Variants in CDH12 observed in about 807,000 individuals in gnomAD.
CDH12 encodes cadherin-12.
A neutral mutation model predicts 74.1 loss-of-function variants in CDH12; 41 were observed. That is an observed-to-expected ratio of 0.55 (90% CI 0.43 to 0.72). The LOEUF is 0.72. Among genes scored for constraint, CDH12 ranks in the 30% least tolerant of loss-of-function variants. The probability of loss-of-function intolerance (pLI) is 0.00; values close to 1 mark genes in which losing one functional copy is unlikely to be tolerated. For synonymous variants in CDH12, 399 were observed against 355.0 expected, an observed-to-expected ratio of 1.12 and a Z score of -1.39; for missense variants, 945 against 977.2, an observed-to-expected ratio of 0.97 and a Z score of 0.44.
chr5:22,810,657 G>A (rs1034168118), intron 1 of CDH12, among the ~76,000 whole-genome samples: 1 of 152,038 alleles, frequency 6.6e-6, no homozygotes, highest in Non-Finnish European at 1.5e-5. Flanking sequence ...GGGAAGAATC[G>A]CTTGATGTCA....
chr5:22,701,680 C>T (rs564281812), intron 1 of CDH12, among the ~76,000 whole-genome samples: 74 of 152,198 alleles, frequency 4.9e-4, no homozygotes, highest in Non-Finnish European at 9.4e-4. Flanking sequence ...CTTCTACTCC[C>T]ATATTTTACC....
intron 6 of CDH12, among the ~76,000 whole-genome samples, chr5:21,872,507 A>G (rs899122822): frequency 6.6e-6 from 1 of 152,222 alleles, no homozygotes; most frequent in Admixed American, 6.5e-5. Flanking sequence ...AATTATTTTC[A>G]TACTTGCTGT....
At position 22,605,287 on chromosome 5, in the gene CDH12, T is replaced by A. The variant is rs139870272; in HGVS notation, c.-522-99923A>T. ...CTTCTTAATTGCATGAGCCAATGTTTCATAATAAATCTCTTTCTCTATATA... is the reference window on the plus strand; with the variant it reads ...CTTCTTAATTGCATGAGCCAATGTTACATAATAAATCTCTTTCTCTATATA... On this transcript the variant is annotated intron_variant, in intron 1 of 14. Coordinates refer to ENST00000382254, the MANE Select transcript of CDH12 (RefSeq NM_004061.5). Among the ~76,000 whole-genome samples the A allele has an allele frequency of 1.8e-4, 28 of 152,294 alleles. No individual in the cohort carries two copies. The East Asian group carries it at 5.4e-3, about 29-fold the overall frequency.
chr5:22,174,765 G>A (rs113766724), intron 4 of CDH12, among the ~76,000 whole-genome samples: 20,176 of 151,750 alleles, frequency 0.13, 1,435 homozygotes, highest in South Asian at 0.17. Flanking sequence ...ACCACACTCT[G>A]GTCACCAATG....
chr5:22,171,369 T>A (rs1749019327), intron 4 of CDH12, among the ~76,000 whole-genome samples: 2 of 151,908 alleles, frequency 1.3e-5, no homozygotes, highest in Non-Finnish European at 2.9e-5. Flanking sequence ...TTATAAGATG[T>A]TGCTTAGATG....
chr5:22,593,776 C>G (rs1011626360), intron 1 of CDH12, among the ~76,000 whole-genome samples: 1 of 152,144 alleles, frequency 6.6e-6, no homozygotes, highest in South Asian at 2.1e-4. Context: ...ATAATATATG[C>G]AGGTATTTGT....
chr5:22,326,327 C>A (rs933817888), intron 3 of CDH12, among the ~76,000 whole-genome samples: 3 of 152,000 alleles, frequency 2.0e-5, no homozygotes, highest in African/African-American at 7.2e-5. Context: ...CTCCGCCCCC[C>A]GGGGTTCACG....
At chr5:22,257,704 T>C (rs566754534) in intron 3 of CDH12, among the ~76,000 whole-genome samples, 4 of 152,188 alleles carry the variant, frequency 2.6e-5, no homozygotes, top group Non-Finnish European at 5.9e-5. Context: ...TTTCACTATG[T>C]TAGCCAGCAT....
At chr5:21,893,206 A>G (rs1484150717) in intron 6 of CDH12, among the ~76,000 whole-genome samples, 1 of 152,190 alleles carries the variant, frequency 6.6e-6, no homozygotes, top group Non-Finnish European at 1.5e-5. Flanking sequence ...TAAAATTTCA[A>G]GCATGGGTGG....
chr5:22,624,662 A>T (rs1308076152), intron 1 of CDH12, among the ~76,000 whole-genome samples: 1 of 152,218 alleles, frequency 6.6e-6, no homozygotes, highest in East Asian at 1.9e-4. Flanking sequence ...AGGAAACAAT[A>T]GGTGCTGGAG....
rs763059652 is a variant in CDH12 at position 21,764,980 on chromosome 5, G to C, written c.1513C>G (p.Gln505Glu). 1.2e-6 allele frequency: 2 copies of C among 1,613,602 alleles called. No individual in the cohort carries two copies. The highest frequency in any genetic ancestry group is 1.7e-6 in the Non-Finnish European group (2 of 1,179,714). ...AAGGAACAATATTTATAAGATACCT[G>C]TCCTGGCTTGGCATTTTCACACACG... ...TAVCENAKPGQIIQIVSAADR... is the reference protein window; with the variant it reads ...TAVCENAKPGEIIQIVSAADR... The change falls in exon 12 of 15, where the codon CAG becomes GAG. Residue 505 changes from glutamine to glutamate, a missense_variant and splice_region_variant. Around this residue, in one of 3 missense-constraint regions of CDH12, gnomAD observed 791 missense variants for 792.8 expected, o/e 1.00. Coordinates refer to ENST00000382254, the MANE Select transcript of CDH12 (RefSeq NM_004061.5).
intron 3 of CDH12, among the ~76,000 whole-genome samples, chr5:22,240,683 GC>G (rs1348157827): frequency 2.0e-5 from 3 of 151,996 alleles, no homozygotes; most frequent in African/African-American, 7.2e-5. Context: ...ACAGGCGCCT[GC>G]CACCATGCCG....
chr5:21,823,808 C>T (rs1419509981), intron 8 of CDH12, among the ~76,000 whole-genome samples: 1 of 152,070 alleles, frequency 6.6e-6, no homozygotes, highest in East Asian at 1.9e-4. Context: ...CTTCCCCAAC[C>T]TTCAAAGGAT....
In CDH12 at chr5:21,810,123, G is replaced by A. The variant is rs529576675; in HGVS notation, c.1002+6822C>T. ...TGCATATGAACATGCCTGTAAATGTGTGTGTGTGCAGAAGTTAGTAATAGA... is the reference window on the plus strand; with the variant it reads ...TGCATATGAACATGCCTGTAAATGTATGTGTGTGCAGAAGTTAGTAATAGA... On this transcript the variant is annotated intron_variant, in intron 9 of 14. Transcript: ENST00000382254. Among the ~76,000 whole-genome samples, 6 of 152,184 alleles carry A rather than the reference G, an allele frequency of 3.9e-5. No individual in the cohort carries two copies. In the East Asian group the frequency reaches 1.2e-3, roughly 29 times the overall value.
chr5:22,278,496 C>T (rs896850349), intron 3 of CDH12, among the ~76,000 whole-genome samples: 1 of 152,070 alleles, frequency 6.6e-6, no homozygotes, highest in Non-Finnish European at 1.5e-5. Flanking sequence ...CCTAAATCTG[C>T]TGAAAGAGGA....
intron 5 of CDH12, among the ~76,000 whole-genome samples, chr5:21,979,663 T>G (rs2150126109): frequency 6.6e-6 from 1 of 152,312 alleles, no homozygotes; most frequent in Admixed American, 6.5e-5. Flanking sequence ...GCAGGGATTT[T>G]ATTTTCATTT....
chr5:21,832,468 T>C (rs1749078559), intron 8 of CDH12, among the ~76,000 whole-genome samples: 1 of 151,944 alleles, frequency 6.6e-6, no homozygotes, highest in African/African-American at 2.4e-5. Flanking sequence ...TGCATTCAAA[T>C]TGTATTCATT....
intron 2 of CDH12, among the ~76,000 whole-genome samples, chr5:22,457,400 C>T (rs899677976): frequency 1.5e-5 from 2 of 136,192 alleles, no homozygotes; most frequent in African/African-American, 5.4e-5. Flanking sequence ...TCTCCTTCTT[C>T]CTCTTCCTCT....
intron 9 of CDH12, among the ~76,000 whole-genome samples, chr5:21,807,100 C>A (rs1420379176): frequency 6.6e-6 from 1 of 152,146 alleles, no homozygotes; most frequent in Admixed American, 6.6e-5. Context: ...ATCACCATTG[C>A]AGAATCTAAG....
Sources: gnomAD v4.1 joint callset for allele counts (sites outside exome capture counted in the v4.1 genomes callset) on GRCh38, gnomAD v4.1.1 for gene constraint, gnomAD v4.1.1 regional missense constraint, MANE v1.5 for transcripts, NCBI Gene and HGNC (gene_info 2026-07-23, HGNC 2026-07-21) for gene names.